Variants in SCHIP1 observed in about 807,000 individuals in gnomAD.
SCHIP1 encodes schwannomin-interacting protein 1.
A neutral mutation model predicts 29.7 loss-of-function variants in SCHIP1; 8 were observed. The ratio of observed to expected loss-of-function variants is 0.27; its 90% confidence interval spans 0.16 to 0.49. The LOEUF (loss-of-function observed/expected upper bound fraction) is 0.49, where lower values mean the gene tolerates loss of function less well. Ranked by LOEUF, SCHIP1 falls within the 20% of genes least tolerant of loss-of-function variation. SCHIP1 has a pLI of 0.99. For missense variants in SCHIP1, 193 were observed against 294.6 expected (o/e 0.66, Z 2.52); for synonymous variants, 76 against 94.9 (o/e 0.80, Z 1.16).
the SCHIP1 span, among the ~76,000 whole-genome samples, chr3:159,594,127 G>A: frequency 5.3e-5 from 8 of 152,256 alleles, no homozygotes; most frequent in African/African-American, 1.9e-4. Context: ...GGATGCAGCT[G>A]CCTTTATCTC....
chr3:159,855,030 A>T (rs1713182445), intron 1 of SCHIP1, among the ~76,000 whole-genome samples: 1 of 152,202 alleles, frequency 6.6e-6, no homozygotes, highest in Non-Finnish European at 1.5e-5. Context: ...TATCTAACAA[A>T]GGCAGTAGAA....
chr3:159,872,692 T>C (rs1391264103), intron 2 of SCHIP1, among the ~76,000 whole-genome samples: 2 of 152,160 alleles, frequency 1.3e-5, no homozygotes, highest in Admixed American at 1.3e-4. Flanking sequence ...AGAATGATGG[T>C]TAATAATGAG....
chr3:159,277,222 A>C, the SCHIP1 span, among the ~76,000 whole-genome samples: 1 of 152,200 alleles, frequency 6.6e-6, no homozygotes, highest in South Asian at 2.1e-4. Context: ...TACTGTGTAG[A>C]ATACAATGTT....
chr3:159,721,781 CT>C, the SCHIP1 span: 1 of 440,994 alleles, frequency 2.3e-6, no homozygotes, highest in Non-Finnish European at 4.5e-6. Flanking sequence ...TTCTGCTGTT[CT>C]TCCCCAGCTG....
At chr3:159,503,860 T>C in the SCHIP1 span, among the ~76,000 whole-genome samples, 2 of 152,100 alleles carry the variant, frequency 1.3e-5, no homozygotes, top group Non-Finnish European at 2.9e-5. Context: ...GTGCCAGGAA[T>C]CATAGATAAA....
At chr3:159,605,892 A>G in the SCHIP1 span, among the ~76,000 whole-genome samples, 1 of 152,138 alleles carries the variant, frequency 6.6e-6, no homozygotes, top group Non-Finnish European at 1.5e-5. Flanking sequence ...TGGAAAAACA[A>G]TAAGAGTAAT....
At chr3:159,315,849 A>G in the SCHIP1 span, among the ~76,000 whole-genome samples, 9 of 151,924 alleles carry the variant, frequency 5.9e-5, no homozygotes, top group Admixed American at 5.3e-4. Context: ...GACATAAAAC[A>G]TACTCATCAG....
At chr3:159,811,970 T>TTTTTGTTTTTTTTTTTTTTGGCAGAGTC in the SCHIP1 span, among the ~76,000 whole-genome samples, 1 of 92,800 alleles carries the variant, frequency 1.1e-5, no homozygotes. Context: ...TTTTTTTTGT[T>TTTTTGTTTTTTTTTTTTTTGGCAGAGTC]TTTGTTTTTG....
chr3:159,833,344 T>C, the SCHIP1 span, among the ~76,000 whole-genome samples: 1 of 152,096 alleles, frequency 6.6e-6, no homozygotes, highest in Admixed American at 6.5e-5. Flanking sequence ...TGGCCTCTTC[T>C]TCCATCTTCA....
intron 6 of SCHIP1, among the ~76,000 whole-genome samples, chr3:159,895,425 G>A (rs901683181): frequency 3.3e-5 from 5 of 152,118 alleles, no homozygotes; most frequent in East Asian, 1.9e-4. Flanking sequence ...ATTCCTAAAC[G>A]TTTGATTATA....
At chr3:159,378,290 G>T in the SCHIP1 span, among the ~76,000 whole-genome samples, 1 of 152,146 alleles carries the variant, frequency 6.6e-6, no homozygotes, top group Admixed American at 6.5e-5. Context: ...TAATGCATCA[G>T]ACAATCAGTT....
At chr3:159,838,991 A>T (rs1373804109), upstream of SCHIP1, among the ~76,000 whole-genome samples, 1 of 151,958 alleles carries the variant, frequency 6.6e-6, no homozygotes, top group African/African-American at 2.4e-5. Context: ...ATTTTATTTA[A>T]CTTTTCCCCC....
the SCHIP1 span, among the ~76,000 whole-genome samples, chr3:159,677,716 G>A: frequency 6.6e-6 from 1 of 152,220 alleles, no homozygotes; most frequent in South Asian, 2.1e-4. Flanking sequence ...AGCTCTGGGG[G>A]GATCCTTTTT....
chr3:159,497,010 A>C, the SCHIP1 span, among the ~76,000 whole-genome samples: 2 of 152,168 alleles, frequency 1.3e-5, no homozygotes, highest in Admixed American at 1.3e-4. Flanking sequence ...CAAGGACAAA[A>C]AGCCAAACAC....
the SCHIP1 span, among the ~76,000 whole-genome samples, chr3:159,585,467 G>A: frequency 3.3e-5 from 5 of 152,134 alleles, no homozygotes; most frequent in Non-Finnish European, 7.4e-5. Flanking sequence ...CTACTTGGAA[G>A]GATGGAGATA....
the SCHIP1 span, among the ~76,000 whole-genome samples, chr3:159,335,295 C>G: frequency 6.6e-6 from 1 of 152,172 alleles, no homozygotes; most frequent in South Asian, 2.1e-4. Context: ...CACATCCCTG[C>G]ACTTGGCATG....
chr3:159,549,927 G>A, the SCHIP1 span, among the ~76,000 whole-genome samples: 1 of 151,990 alleles, frequency 6.6e-6, no homozygotes, highest in African/African-American at 2.4e-5. Flanking sequence ...AGTCATGTCT[G>A]GTAGGAGCTT....
the SCHIP1 span, among the ~76,000 whole-genome samples, chr3:159,550,119 C>CTTAAGATATCTTAAGAAAATTAATTATG: frequency 1.3e-5 from 2 of 151,648 alleles, no homozygotes; most frequent in Admixed American, 6.6e-5. Flanking sequence ...AATTAATTAT[C>CTTAAGATATCTTAAGAAAATTAATTATG]TTAATTATCT....
chr3:159,399,055 A>C, the SCHIP1 span: 1 of 466,694 alleles, frequency 2.1e-6, no homozygotes, highest in Non-Finnish European at 2.8e-6. Flanking sequence ...CTCCAGCTAC[A>C]CTGGCTTCAT....
Sources: gnomAD v4.1 joint callset for allele counts (sites outside exome capture counted in the v4.1 genomes callset) on GRCh38, gnomAD v4.1.1 for gene constraint, MANE v1.5 for transcripts, NCBI Gene and HGNC (gene_info 2026-07-23, HGNC 2026-07-21) for gene names.